The following RGS6 variants were observed in gnomAD, a reference collection of about 807,000 sequenced individuals.
RGS6 encodes the protein regulator of G-protein signaling 6.
A neutral mutation model predicts 78.5 loss-of-function variants in RGS6; 30 were observed. That is an observed-to-expected ratio of 0.38 (90% CI 0.29 to 0.52). The LOEUF is 0.52. Ranked by LOEUF, RGS6 falls within the 20% of genes least tolerant of loss-of-function variation. RGS6 has a pLI of 0.85. For missense variants in RGS6, 495 were observed against 609.7 expected (o/e 0.81, Z 1.98); for synonymous variants, 206 against 206.0 (o/e 1.00, Z 0.00).
the RGS6 span, among the ~76,000 whole-genome samples, chr14:71,899,939 G>A: frequency 2.6e-5 from 4 of 152,178 alleles, no homozygotes; most frequent in African/African-American, 7.2e-5. Flanking sequence ...TAAGGATGCA[G>A]TCTCCTCTCT....
chr14:71,920,691 T>C, the RGS6 span, among the ~76,000 whole-genome samples: 1 of 152,200 alleles, frequency 6.6e-6, no homozygotes, highest in Non-Finnish European at 1.5e-5. Context: ...AATAAGTATG[T>C]CTGGTTGGGG....
At chr14:72,405,318 GT>G (rs1266869369) in intron 3 of RGS6, among the ~76,000 whole-genome samples, 1 of 152,156 alleles carries the variant, frequency 6.6e-6, no homozygotes, top group African/African-American at 2.4e-5. Context: ...TTTCCATCTT[GT>G]CCCCTAACAA....
At chr14:72,541,816 C>A (rs2097331694) in intron 17 of RGS6, among the ~76,000 whole-genome samples, 1 of 152,216 alleles carries the variant, frequency 6.6e-6, no homozygotes, top group Non-Finnish European at 1.5e-5. Flanking sequence ...ACAAAACGTC[C>A]AGACATTTTC....
At chr14:71,912,466 T>C in the RGS6 span, among the ~76,000 whole-genome samples, 2 of 152,128 alleles carry the variant, frequency 1.3e-5, no homozygotes, top group Non-Finnish European at 2.9e-5. Context: ...AGTGTTATAG[T>C]GTCACTAGGG....
intron 2 of RGS6, among the ~76,000 whole-genome samples, chr14:72,001,861 C>G (rs529516355): frequency 7.3e-6 from 1 of 137,554 alleles, no homozygotes; most frequent in South Asian, 2.5e-4. Context: ...TTGTGCAGAA[C>G]TTTAGTCTTT....
At chr14:72,384,740 AT>A (rs1020032316) in intron 3 of RGS6, among the ~76,000 whole-genome samples, 16 of 151,646 alleles carry the variant, frequency 1.1e-4, no homozygotes, top group African/African-American at 3.4e-4. Context: ...CGGTTTGCAT[AT>A]TTTTTTTATT....
At chr14:72,547,137 GGAT>G in intron 17 of RGS6, 2 of 1,532,038 alleles carry the variant, frequency 1.3e-6, no homozygotes, top group Non-Finnish European at 1.7e-6. Context: ...TCAGAAGACA[GGAT>G]GCCCGCCTCT....
intron 2 of RGS6, among the ~76,000 whole-genome samples, chr14:72,350,172 A>G (rs982890151): frequency 6.6e-6 from 1 of 152,164 alleles, no homozygotes; most frequent in African/African-American, 2.4e-5. Flanking sequence ...CATAATACTC[A>G]TCTACCTCCT....
chr14:72,261,922 T>A (rs1287989761), intron 2 of RGS6, among the ~76,000 whole-genome samples: 1 of 152,226 alleles, frequency 6.6e-6, no homozygotes, highest in Non-Finnish European at 1.5e-5. Flanking sequence ...ACCTAATATT[T>A]AAAAATTATG....
chr14:71,977,869 A>G (rs2094222515), intron 2 of RGS6, among the ~76,000 whole-genome samples: 2 of 151,960 alleles, frequency 1.3e-5, no homozygotes, highest in Non-Finnish European at 2.9e-5. Context: ...GGCCATTTTC[A>G]CGATATTGAT....
chr14:72,484,982 G>A (rs997101556), intron 12 of RGS6, among the ~76,000 whole-genome samples: 6 of 146,128 alleles, frequency 4.1e-5, no homozygotes, highest in Admixed American at 2.1e-4. Context: ...TGGGGCAGGA[G>A]TATGTGAACA....
chr14:72,594,392 A>T, the RGS6 span: 10 of 152,152 alleles, frequency 6.6e-5, no homozygotes, highest in African/African-American at 2.4e-4. Context: ...GCCTAGGTTA[A>T]AGTGTTCCCT....
chr14:71,898,672 C>G, the RGS6 span, among the ~76,000 whole-genome samples: 1 of 152,208 alleles, frequency 6.6e-6, no homozygotes, highest in South Asian at 2.1e-4. Flanking sequence ...CCTTTTCCTC[C>G]CACCCCCCCG....
intron 3 of RGS6, among the ~76,000 whole-genome samples, chr14:72,393,426 G>A (rs1317283319): frequency 2.6e-5 from 4 of 152,134 alleles, no homozygotes; most frequent in Non-Finnish European, 1.5e-5. Context: ...AGTTAGTAAC[G>A]CATCCCAGGT....
intron 2 of RGS6, among the ~76,000 whole-genome samples, chr14:72,043,670 T>G (rs1379135761): frequency 6.6e-6 from 1 of 152,222 alleles, no homozygotes; most frequent in Admixed American, 6.5e-5. Flanking sequence ...TGACTTTGGC[T>G]TTCAGCAGTA....
At chr14:72,265,686 G>A (rs758005) in intron 2 of RGS6, among the ~76,000 whole-genome samples, 85,175 of 151,412 alleles carry the variant, frequency 0.56, 24,319 homozygotes, top group African/African-American at 0.65. Context: ...CATTACAGTA[G>A]CTCTCCTTGT....
chr14:72,547,411 T>G, intron 17 of RGS6: 8 of 1,140,890 alleles, frequency 7.0e-6, no homozygotes, highest in East Asian at 6.5e-5. Context: ...CAAAATGAGC[T>G]CCTGGTGGAA....
intron 2 of RGS6, among the ~76,000 whole-genome samples, chr14:72,051,534 A>G (rs1380062760): frequency 3.3e-5 from 5 of 152,252 alleles, no homozygotes; most frequent in Non-Finnish European, 7.3e-5. Flanking sequence ...GTATGAAAAT[A>G]AAACAAACAA....
intron 2 of RGS6, among the ~76,000 whole-genome samples, chr14:72,277,248 C>T (rs11620800): frequency 1.4e-3 from 211 of 152,306 alleles, no homozygotes; most frequent in Non-Finnish European, 2.3e-3. Context: ...GTACTATGCT[C>T]ATTGATGTTT....
Sources: allele counts gnomAD v4.1 joint callset (sites outside exome capture counted in the v4.1 genomes callset), GRCh38; gene constraint gnomAD v4.1.1; transcripts MANE v1.5; gene names NCBI Gene and HGNC (gene_info 2026-07-23, HGNC 2026-07-21).